MMP2: variants seen among roughly 807,000 people sequenced by gnomAD.
MMP2 encodes the protein matrix metallopeptidase 2.
Under a neutral mutation model 74.8 loss-of-function variants are expected in MMP2, and 39 were observed. The ratio of observed to expected loss-of-function variants is 0.52; its 90% CI spans 0.40 to 0.68. The LOEUF (loss-of-function observed/expected upper bound fraction) is 0.68, where lower values mean the gene tolerates loss of function less well. Among genes scored for constraint, MMP2 ranks in the 30% least tolerant of loss-of-function variants. The probability of loss-of-function intolerance (pLI) is 0.00; values close to 1 mark genes in which losing one functional copy is unlikely to be tolerated. For synonymous variants in MMP2, 367 were observed against 339.8 expected (o/e 1.08, Z -0.88); for missense variants, 803 against 878.3 (o/e 0.91, Z 1.08).
chr16:55,491,205 A>T (rs1272013686), intron 7 of MMP2, among the ~76,000 whole-genome samples: 1 of 151,976 alleles, frequency 6.6e-6, no homozygotes, highest in South Asian at 2.1e-4. Flanking sequence ...TCACATTCAC[A>T]GGTCCCTAGG....
rs774512922 is a variant in MMP2 at position 55,485,710 on chromosome 16, C to T, written c.765C>T (p.Gly255=). Residue 255 remains glycine, a synonymous_variant, in exon 5 of 13, where the codon GGC becomes GGT. Coordinates refer to ENST00000219070, the MANE Select transcript of MMP2 (RefSeq NM_004530.6). ...GCACTGATACCGGCCGCAGCGATGGCTTCCTCTGGTGCTCCACCACCTACA... is the reference window on the plus strand; with the variant it reads ...GCACTGATACCGGCCGCAGCGATGGTTTCCTCTGGTGCTCCACCACCTACA... ...NSCTDTGRSD[G]FLWCSTTYNF... 9.9e-5 allele frequency: 160 copies of T among 1,614,030 alleles called. 1 individual carries two copies. The highest frequency in any genetic ancestry group is 1.2e-4 in the Non-Finnish European group (136 of 1,180,030).
chr16:55,495,840 G>A (rs1278904766), intron 9 of MMP2, among the ~76,000 whole-genome samples: 3 of 152,156 alleles, frequency 2.0e-5, no homozygotes, highest in Non-Finnish European at 4.4e-5. Flanking sequence ...CCTAAGGCCG[G>A]TTCTACCTCA....
In MMP2 at chr16:55,482,960, G is replaced by T. The variant is rs778206855; in HGVS notation, c.205G>T (p.Val69Leu). 3.7e-5 allele frequency: 59 copies of T among 1,614,104 alleles called. No individual in the cohort carries two copies. The highest frequency in any genetic ancestry group is 3.2e-4 in the Admixed American group (19 of 60,006). The change falls in exon 2 of 13, where the codon GTG becomes TTG. Residue 69 changes from valine to leucine, a missense_variant. Physicochemically the swap from Val to Leu is conservative, Grantham distance 32. Transcript: ENST00000219070. ...CCCCAAGGAGAGCTGCAACCTGTTT[G>T]TGCTGAAGGACACACTAAAGAAGAT... ...GCPKESCNLF[V>L]LKDTLKKMQK...
intron 3 of MMP2, 109 bp downstream of exon 3, chr16:55,484,273 A>G (rs1050563910): frequency 7.5e-7 from 1 of 1,326,128 alleles, no homozygotes; most frequent in Admixed American, 2.0e-5. Flanking sequence ...CTTAGATAGG[A>G]CAGTAGATGG....
At position 55,491,683 on chromosome 16, in the gene MMP2, G is replaced by T. The variant is rs534885491; in HGVS notation, c.1181-118G>T. On this transcript the variant is annotated intron_variant, in intron 7 of 12. Coordinates refer to ENST00000219070, the MANE Select transcript of MMP2 (RefSeq NM_004530.6). ...AAAAAATCAATACATGCCGCTTCCA[G>T]GGTTCTCAGCCTTACTGTGGGGCTG... 2.3e-4 allele frequency: 274 copies of T among 1,168,518 alleles called. 1 individual carries two copies. The highest frequency in any genetic ancestry group is 3.2e-4 in the Non-Finnish European group (253 of 779,972). The allele number at this position is 1,168,518 out of a possible 1,614,324, so 72.4% of individuals were successfully genotyped here.
At chr16:55,488,403 C>A in intron 5 of MMP2, 140 bp from the exon 6 acceptor site, 1 of 868,016 alleles carries the variant, frequency 1.2e-6, no homozygotes, top group Admixed American at 2.1e-5. Context: ...CAGCTCCTTA[C>A]CAACCAGTAG....
chr16:55,481,032 C>T (rs747694253), intron 1 of MMP2, among the ~76,000 whole-genome samples: 2 of 152,008 alleles, frequency 1.3e-5, no homozygotes, highest in Non-Finnish European at 2.9e-5. Context: ...AGCCTGGGGG[C>T]CACATGGGTT....
At chr16:55,503,447 C>T (rs1392242312) in intron 12 of MMP2, among the ~76,000 whole-genome samples, 1 of 151,958 alleles carries the variant, frequency 6.6e-6, no homozygotes, top group Admixed American at 6.6e-5. Flanking sequence ...TTCTAGGGTC[C>T]TGGAAATGGG....
At chr16:55,483,868 A>G in intron 2 of MMP2, 148 bp from the exon 3 acceptor site, 4 of 809,752 alleles carry the variant, frequency 4.9e-6, no homozygotes, top group Non-Finnish European at 8.4e-6. Context: ...ATACCTGTGC[A>G]CCCTTCCCGT....
chr16:55,504,944 G>A (rs879307478), intron 12 of MMP2, among the ~76,000 whole-genome samples: 21 of 144,920 alleles, frequency 1.4e-4, no homozygotes, highest in African/African-American at 4.1e-4. Flanking sequence ...GAGCCACCGC[G>A]CCCCGCCACA....
chr16:55,501,479 A>G (rs1962664776), intron 11 of MMP2, among the ~76,000 whole-genome samples: 1 of 152,202 alleles, frequency 6.6e-6, no homozygotes, highest in Non-Finnish European at 1.5e-5. Flanking sequence ...TCCTAACGCT[A>G]GGGAATGTAG....
intron 11 of MMP2, among the ~76,000 whole-genome samples, chr16:55,500,494 T>TACAC (rs55996787): frequency 0.023 from 3,113 of 136,218 alleles, 139 homozygotes; most frequent in South Asian, 0.069. Context: ...CATGTGCGCA[T>TACAC]ACACACACAC....
chr16:55,505,829 G>GC lies in MMP2; in HGVS notation c.*388dup, dbSNP rs1179463532. ...AGCCAATGGAGACTGTCTCAAGAGG[G>GC]CACTGGTGGCCCGACAGCCTGGCAC... On this transcript the variant is annotated 3_prime_UTR_variant, in exon 13 of 13. Coordinates refer to ENST00000219070, the MANE Select transcript of MMP2 (RefSeq NM_004530.6). The GC allele has an allele frequency of 6.6e-6, 2 of 304,284 alleles. No homozygotes were observed. The highest frequency in any genetic ancestry group is 6.4e-6 in the Non-Finnish European group (1 of 156,654). 18.8% of individuals were successfully genotyped at this position (304,284 alleles called of 1,614,324 possible).
intron 11 of MMP2, among the ~76,000 whole-genome samples, chr16:55,501,241 C>T (rs1261582441): frequency 6.6e-6 from 1 of 152,216 alleles, no homozygotes; most frequent in African/African-American, 2.4e-5. Flanking sequence ...TTAACACCTG[C>T]TATACATGGC....
At position 55,482,974 on chromosome 16, in the gene MMP2, A is replaced by G. The variant is rs1962143208; in HGVS notation, c.219A>G (p.Thr73=). ...ESCNLFVLKD[T]LKKMQKFFGL... is the part of the protein sequence containing the mutation. Reference sequence around the variant, plus strand: ...GCAACCTGTTTGTGCTGAAGGACACACTAAAGAAGATGCAGAAGTTCTTTG... The same window carrying G: ...GCAACCTGTTTGTGCTGAAGGACACGCTAAAGAAGATGCAGAAGTTCTTTG... Residue 73 remains threonine, a synonymous_variant, in exon 2 of 13, where the codon ACA becomes ACG. Coordinates refer to ENST00000219070, the MANE Select transcript of MMP2 (RefSeq NM_004530.6). 1.9e-6 allele frequency: 3 copies of G among 1,614,104 alleles called. No homozygotes were observed. The highest frequency in any genetic ancestry group is 1.3e-5 in the African/African-American group (1 of 74,936).
intron 11 of MMP2, among the ~76,000 whole-genome samples, chr16:55,500,494 T>TACACACACACACAAAC (rs373871004): frequency 1.1e-4 from 15 of 136,274 alleles, no homozygotes; most frequent in African/African-American, 4.0e-4. Context: ...CATGTGCGCA[T>TACACACACACACAAAC]ACACACACAC....
chr16:55,484,027 A>T lies in MMP2; in HGVS notation c.392A>T (p.Tyr131Phe). The T allele has an allele frequency of 6.2e-7, 1 of 1,614,184 alleles. No individual in the cohort carries two copies. Among genetic ancestry groups the T allele is most frequent in the Non-Finnish European group, 8.5e-7 (1 of 1,180,018 alleles). The change falls in exon 3 of 13, where the codon TAC (tyrosine) becomes TTC (phenylalanine). Residue 131 changes from tyrosine to phenylalanine, a missense_variant. Transcript: ENST00000219070. ...TCTACCACCTCCAGGATCATTGGCT[A>T]CACACCTGATCTGGACCCAGAGACA... Reference protein sequence around the residue: ...KNQITYRIIGYTPDLDPETVD... With the variant: ...KNQITYRIIGFTPDLDPETVD...
rs560063288 is a variant in MMP2, at chr16:55,500,998, C to T, written c.1770-1781C>T. Among the ~76,000 whole-genome samples, 5 of 152,350 alleles carry T rather than the reference C, an allele frequency of 3.3e-5. 1 individual carries two copies. The South Asian group carries it at 8.3e-4, about 25-fold the overall frequency. On this transcript the variant is annotated intron_variant, in intron 11 of 12. Coordinates refer to ENST00000219070, the MANE Select transcript of MMP2 (RefSeq NM_004530.6). The stretch of plus-strand genomic sequence containing the variant: ...GCTGGAGAGACGGGGGTCAAAAAAT[C>T]ATCACACCCTGCCCTCATGTAGTTT...
chr16:55,505,308 G>A, intron 12 of MMP2, 31 bp from the exon 13 acceptor site: 1 of 1,563,774 alleles, frequency 6.4e-7, no homozygotes, highest in Admixed American at 1.7e-5. Flanking sequence ...TCAGGATAAG[G>A]GGGTCACGGT....
Sources: allele counts gnomAD v4.1 joint callset (sites outside exome capture counted in the v4.1 genomes callset), GRCh38; gene constraint gnomAD v4.1.1; transcripts MANE v1.5; gene names NCBI Gene and HGNC (gene_info 2026-07-23, HGNC 2026-07-21).